Variants in VIPR1 observed in about 807,000 individuals in gnomAD.
VIPR1 encodes the protein vasoactive intestinal polypeptide receptor 1.
Under a neutral mutation model 58.8 loss-of-function variants are expected in VIPR1, and 59 were observed. That is an observed-to-expected ratio of 1.00 (90% CI 0.81 to 1.25). VIPR1 has a LOEUF of 1.25. Among genes scored for constraint, VIPR1 ranks in the 50% most tolerant of loss-of-function variants. The pLI, the probability that VIPR1 is intolerant of heterozygous loss-of-function variation, is 0.00. For synonymous variants in VIPR1, 251 were observed against 242.1 expected, an observed-to-expected ratio of 1.04 and a Z score of -0.34; for missense variants, 626 against 602.7, an observed-to-expected ratio of 1.04 and a Z score of -0.40.
chr3:42,517,227 C>T (rs1700674984), intron 2 of VIPR1, among the ~76,000 whole-genome samples: 1 of 152,246 alleles, frequency 6.6e-6, no homozygotes, highest in South Asian at 2.1e-4. Flanking sequence ...TGCACACAGT[C>T]CCGAGGCTCT....
In VIPR1 at chr3:42,527,724, G is replaced by A. The variant is rs1256873303; in HGVS notation, c.503+228G>A. 1.3e-5 allele frequency: 8 copies of A among 634,192 alleles called. No individual in the cohort carries two copies. In the Middle Eastern group the frequency reaches 1.3e-3, roughly 103 times the overall value. 39.3% of individuals were successfully genotyped at this position (634,192 alleles called of 1,614,324 possible). A position where few individuals can be genotyped will look rare whatever the true frequency, so the allele number is the denominator to read the frequency against. ...TAGGATGGCCCTGCACCTGGGGACA[G>A]GGCACCAGAGAGTGGGGCCTGCACA... On this transcript the variant is annotated intron_variant, in intron 5 of 12. Transcript: ENST00000325123.
At chr3:42,489,789 G>T (rs971739987) in intron 1 of VIPR1, 3 of 152,186 alleles carry the variant, frequency 2.0e-5, no homozygotes, top group Admixed American at 6.5e-5. Context: ...TCTTTGTTAC[G>T]CACAGTTCTG....
Position 42,513,806 on chromosome 3 carries a change from C to T in VIPR1, c.136C>T (p.Gln46Ter). ...TGACTATGTGCAGATGATCGAGGTG[C>T]AGCACAAGCAGTGCCTGGAGGAGGC... ...ECDYVQMIEV[Q>*]HKQCLEEAQL... The change falls in exon 2 of 13, where the codon CAG becomes TAG. Residue 46 changes from glutamine to a stop codon, truncating the protein, a stop_gained. Coordinates refer to ENST00000325123, the MANE Select transcript of VIPR1 (RefSeq NM_004624.4). LOFTEE classifies it high-confidence loss of function. 1 of 1,551,610 alleles carries T rather than the reference C, an allele frequency of 6.4e-7. No individual in the cohort carries two copies. Among genetic ancestry groups the T allele is most frequent in the Non-Finnish European group, 8.7e-7 (1 of 1,146,958 alleles).
chr3:42,508,380 C>G (rs754612563), intron 1 of VIPR1, among the ~76,000 whole-genome samples: 5 of 152,332 alleles, frequency 3.3e-5, no homozygotes, highest in South Asian at 2.1e-4. Flanking sequence ...ATTCTGGAAC[C>G]TGTGGTCTGA....
At chr3:42,525,851 C>A (rs761494534) in intron 3 of VIPR1, 36 bp from the exon 4 acceptor site, 44 of 1,564,068 alleles carry the variant, frequency 2.8e-5, no homozygotes, top group Non-Finnish European at 3.8e-5. Context: ...ATGCTCCCGG[C>A]CTCAGCCTTT....
chr3:42,534,825 G>T lies in VIPR1; in HGVS notation c.1011-150G>T. 8 of 1,033,056 alleles carry T rather than the reference G, an allele frequency of 7.7e-6. No individual in the cohort carries two copies. The South Asian group carries it at 1.3e-4, about 17-fold the overall frequency. The allele number at this position is 1,033,056 out of a possible 1,614,324, so 64.0% of individuals were successfully genotyped here. ...AGCTGTGGAACAGGAGCAGACAAGG[G>T]CATAATATTCAGAGGAACCTACAGT... On this transcript the variant is annotated intron_variant, in intron 10 of 12. Transcript: ENST00000325123.
chr3:42,501,921 TC>T (rs1337149004), upstream of VIPR1: 2 of 152,160 alleles, frequency 1.3e-5, no homozygotes, highest in African/African-American at 4.8e-5. The surrounding 1 kb of genome is among the most constrained non-coding windows in gnomAD (Gnocchi z 4.8). Flanking sequence ...CACCTCATCC[TC>T]CCTGGAGCAG....
In VIPR1 at chr3:42,527,464, T is replaced by C. The variant is rs774523026; in HGVS notation, c.471T>C (p.Leu157=). Residue 157 remains leucine (L), a synonymous_variant, in exon 5 of 13, where the codon CTT becomes CTC. Transcript: ENST00000325123. The part of the protein sequence containing the change: ...TIGYGLSLAT[L]LVATAILSLF... ...GCTACGGCCTGTCCCTCGCCACCCT[T>C]CTGGTCGCCACAGCTATCCTGAGCC... is the stretch of plus-strand genomic sequence containing the variant. 6.4e-5 allele frequency: 104 copies of C among 1,613,786 alleles called. No homozygotes were observed. Among genetic ancestry groups the C allele is most frequent in the South Asian group, 3.2e-4 (29 of 91,070 alleles).
At chr3:42,531,630 C>A in intron 8 of VIPR1, 99 bp downstream of exon 8, 1 of 1,566,942 alleles carries the variant, frequency 6.4e-7, no homozygotes, top group Non-Finnish European at 8.7e-7. Context: ...TGGACAAAAA[C>A]CACAGCTCTC....
rs570476799 is a variant in VIPR1, at chr3:42,532,170, C to T, written c.919-72C>T. On this transcript the variant is annotated intron_variant, in intron 9 of 12. Transcript: ENST00000325123. Reference sequence around the variant, plus strand: ...GCAGGACCCTGGGAAAGAAGACAGGCCAGCAGTCAAGGGGCCTGAACACCT... The same window carrying T: ...GCAGGACCCTGGGAAAGAAGACAGGTCAGCAGTCAAGGGGCCTGAACACCT... 4.9e-6 allele frequency: 7 copies of T among 1,442,352 alleles called. No individual in the cohort carries two copies. In the South Asian group the frequency reaches 8.0e-5, roughly 17 times the overall value. The allele number at this position is 1,442,352 out of a possible 1,614,324, so 89.3% of individuals were successfully genotyped here. A position where few individuals can be genotyped will look rare whatever the true frequency, so the allele number is the denominator to read the frequency against.
chr3:42,534,438 G>A (rs1245503812), intron 10 of VIPR1: 3 of 152,880 alleles, frequency 2.0e-5, no homozygotes, highest in Admixed American at 6.5e-5. Flanking sequence ...GTGGGCCTCT[G>A]TTTCTATAAT....
chr3:42,513,618 G>T, intron 1 of VIPR1, 131 bp from the exon 2 acceptor site: 2 of 937,522 alleles, frequency 2.1e-6, no homozygotes, highest in Non-Finnish European at 3.2e-6. Flanking sequence ...TTTCAGTCTT[G>T]GGTTGGTATT....
At chr3:42,519,061 G>A (rs979742003) in intron 2 of VIPR1, among the ~76,000 whole-genome samples, 162 bp from the exon 3 acceptor site, 6 of 152,200 alleles carry the variant, frequency 3.9e-5, no homozygotes, top group Admixed American at 2.6e-4. Context: ...GGACAGCCCC[G>A]TGCAACCTCC....
intron 1 of VIPR1, among the ~76,000 whole-genome samples, chr3:42,490,463 A>G (rs1283508170): frequency 6.6e-6 from 1 of 152,222 alleles, no homozygotes; most frequent in Non-Finnish European, 1.5e-5. Context: ...AGAGGCGTGC[A>G]TAGCTGAGGC....
rs141599975 is a variant in VIPR1, at chr3:42,524,436, C to G, written c.293-1451C>G. Among the ~76,000 whole-genome samples the G allele has an allele frequency of 1.3e-3, 195 of 152,270 alleles. 2 individuals carry two copies. The highest frequency in any genetic ancestry group is 4.5e-3 in the African/African-American group (186 of 41,550). Reference sequence around the variant, plus strand: ...CAGGAAACTGGCCCAGTCCAATGCCCCCTCCTCAACCAAATCCATCCTGCC... The same window carrying G: ...CAGGAAACTGGCCCAGTCCAATGCCGCCTCCTCAACCAAATCCATCCTGCC... On this transcript the variant is annotated intron_variant, in intron 3 of 12. Coordinates refer to ENST00000325123, the MANE Select transcript of VIPR1 (RefSeq NM_004624.4).
At position 42,527,456 on chromosome 3, in the gene VIPR1, G is replaced by A. The variant is rs766398547; in HGVS notation, c.463G>A (p.Ala155Thr). The A allele has an allele frequency of 2.8e-5, 45 of 1,613,716 alleles. No individual in the cohort carries two copies. The highest frequency in any genetic ancestry group is 5.0e-5 in the Admixed American group (3 of 59,982). ...GYTIGYGLSL[A>T]TLLVATAILS... ...CACCATTGGCTACGGCCTGTCCCTC[G>A]CCACCCTTCTGGTCGCCACAGCTAT... is the stretch of plus-strand genomic sequence containing the variant. The change falls in exon 5 of 13, where the codon GCC (alanine) becomes ACC (threonine). Residue 155 changes from alanine to threonine, a missense_variant. Physicochemically the swap from Ala to Thr is moderately conservative, Grantham distance 58. Transcript: ENST00000325123.
intron 2 of VIPR1, among the ~76,000 whole-genome samples, chr3:42,515,728 T>C (rs149642571): frequency 1.7e-4 from 26 of 152,370 alleles, no homozygotes; most frequent in African/African-American, 5.8e-4. Flanking sequence ...CATGTCTGTC[T>C]GGAGCTGCGT....
chr3:42,519,218 C>A lies in VIPR1; in HGVS notation c.185-5C>A. On this transcript the variant is annotated splice_region_variant and splice_polypyrimidine_tract_variant and intron_variant, in intron 2 of 12. Transcript: ENST00000325123. Reference sequence around the variant, plus strand: ...ACCCATGTGTCTTCTGCCTTACCCCCATAGGCTGCAGCAAGATGTGGGACA... The same window carrying A: ...ACCCATGTGTCTTCTGCCTTACCCCAATAGGCTGCAGCAAGATGTGGGACA... 2 of 1,605,274 alleles carry A rather than the reference C, an allele frequency of 1.2e-6. No individual in the cohort carries two copies. The highest frequency in any genetic ancestry group is 1.7e-6 in the Non-Finnish European group (2 of 1,175,928).
chr3:42,529,942 C>T, intron 6 of VIPR1: 1 of 152,296 alleles, frequency 6.6e-6, no homozygotes, highest in South Asian at 2.1e-4. Context: ...CCACCCCTCC[C>T]CTCTTCTCTT....
Sources: gnomAD v4.1 joint callset for allele counts (sites outside exome capture counted in the v4.1 genomes callset) on GRCh38, gnomAD v4.1.1 for gene constraint, Gnocchi (gnomAD v3.1) non-coding constraint, MANE v1.5 for transcripts, NCBI Gene and HGNC (gene_info 2026-07-23, HGNC 2026-07-21) for gene names.